Variants in GRID2 observed in about 807,000 individuals in gnomAD.
GRID2 encodes the protein glutamate receptor ionotropic, delta-2.
In GRID2, 33 loss-of-function variants were observed where a neutral mutation model predicts 114.8. The ratio of observed to expected loss-of-function variants is 0.29; its 90% CI spans 0.22 to 0.38. GRID2 has a LOEUF of 0.38. Ranked by LOEUF, GRID2 falls within the 10% of genes least tolerant of loss-of-function variation. The pLI, the probability that GRID2 is intolerant of heterozygous loss-of-function variation, is 1.00. For synonymous variants in GRID2, 505 were observed against 449.9 expected (o/e 1.12, Z -1.55); for missense variants, 1,184 against 1,257.7 (o/e 0.94, Z 0.89).
At chr4:92,652,427 C>T (rs183573964) in intron 2 of GRID2, among the ~76,000 whole-genome samples, 1 of 151,702 alleles carries the variant, frequency 6.6e-6, no homozygotes, top group East Asian at 1.9e-4. Flanking sequence ...TAAATATTCC[C>T]AGAACTTTGG....
At chr4:93,566,995 GAGC>G (rs554419301) in intron 13 of GRID2, among the ~76,000 whole-genome samples, 3 of 152,176 alleles carry the variant, frequency 2.0e-5, no homozygotes, top group Admixed American at 1.3e-4. Flanking sequence ...GTGGTCAGCA[GAGC>G]AGCAGCAGCA....
intron 12 of GRID2, among the ~76,000 whole-genome samples, chr4:93,494,642 T>C (rs1727350532): frequency 1.3e-5 from 2 of 151,772 alleles, no homozygotes; most frequent in Non-Finnish European, 2.9e-5. Context: ...ATCATAACTA[T>C]GTCCTATGTT....
At chr4:93,214,308 C>T (rs541502304) in intron 5 of GRID2, among the ~76,000 whole-genome samples, 1 of 151,966 alleles carries the variant, frequency 6.6e-6, no homozygotes, top group Non-Finnish European at 1.5e-5. Context: ...TTTTAATACA[C>T]AAGTTTATTT....
At chr4:93,294,646 C>T (rs112095578) in intron 8 of GRID2, among the ~76,000 whole-genome samples, 8,211 of 151,776 alleles carry the variant, frequency 0.054, 747 homozygotes, top group African/African-American at 0.19. Context: ...GTAACCTCCA[C>T]CTCTCAGGTT....
chr4:93,336,721 A>G (rs1364490888), intron 8 of GRID2, among the ~76,000 whole-genome samples: 2 of 152,168 alleles, frequency 1.3e-5, no homozygotes, highest in Non-Finnish European at 2.9e-5. Flanking sequence ...CCAAGAAAAA[A>G]AGGGTGATTG....
chr4:92,828,785 T>A (rs371706226), intron 2 of GRID2, among the ~76,000 whole-genome samples: 16 of 152,278 alleles, frequency 1.1e-4, no homozygotes, highest in African/African-American at 3.8e-4. Context: ...TTAGTACATG[T>A]TGAAACAGGT....
At chr4:92,745,055 T>C (rs972362369) in intron 2 of GRID2, among the ~76,000 whole-genome samples, 4 of 152,280 alleles carry the variant, frequency 2.6e-5, no homozygotes, top group Non-Finnish European at 4.4e-5. Flanking sequence ...TGTTCCTTTC[T>C]CTGAAGTGTC....
intron 2 of GRID2, among the ~76,000 whole-genome samples, chr4:92,999,768 C>T (rs1395464995): frequency 1.3e-5 from 2 of 151,230 alleles, no homozygotes; most frequent in African/African-American, 2.4e-5. Context: ...TATATAATTG[C>T]TGGGATTAAG....
intron 4 of GRID2, among the ~76,000 whole-genome samples, chr4:93,145,644 C>CTTTTTTTTTTTTTTTTTTTTT (rs10605313): frequency 2.2e-5 from 1 of 45,708 alleles, no homozygotes; most frequent in Non-Finnish European, 3.6e-5. Context: ...TTCTTTTTTC[C>CTTTTTTTTTTTTTTTTTTTTT]TTTTTTTTTT....
chr4:93,342,964 C>T (rs901904529), intron 8 of GRID2, among the ~76,000 whole-genome samples: 1 of 152,052 alleles, frequency 6.6e-6, no homozygotes. Flanking sequence ...ATTCATGAAG[C>T]TTAAGTGCAA....
chr4:93,585,953 T>C (rs2149602423), intron 13 of GRID2, among the ~76,000 whole-genome samples: 1 of 152,202 alleles, frequency 6.6e-6, no homozygotes, highest in Non-Finnish European at 1.5e-5. Context: ...TCCCGAGCCC[T>C]TCATTCTCAT....
At chr4:92,815,817 A>G (rs551218749) in intron 2 of GRID2, among the ~76,000 whole-genome samples, 1 of 143,564 alleles carries the variant, frequency 7.0e-6, no homozygotes, top group South Asian at 2.4e-4. Context: ...GCTACTTGGG[A>G]GGCTGAGGTG....
chr4:93,748,560 T>A (rs1388125881), intron 14 of GRID2, among the ~76,000 whole-genome samples: 1 of 152,156 alleles, frequency 6.6e-6, no homozygotes, highest in African/African-American at 2.4e-5. Context: ...TTTCTTCTAG[T>A]AAGAAAAACG....
intron 2 of GRID2, among the ~76,000 whole-genome samples, chr4:93,019,236 C>T (rs1723050145): frequency 6.6e-6 from 1 of 152,142 alleles, no homozygotes; most frequent in African/African-American, 2.4e-5. Flanking sequence ...TACACATATA[C>T]ATACTAGAAG....
At chr4:92,856,938 G>C (rs1194175535) in intron 2 of GRID2, among the ~76,000 whole-genome samples, 1 of 152,072 alleles carries the variant, frequency 6.6e-6, no homozygotes, top group Non-Finnish European at 1.5e-5. Context: ...TCATGTCTCT[G>C]TGTTATATTT....
At chr4:93,357,980 T>G (rs1433958066) in intron 8 of GRID2, among the ~76,000 whole-genome samples, 1 of 151,808 alleles carries the variant, frequency 6.6e-6, no homozygotes, top group Non-Finnish European at 1.5e-5. Context: ...ATCCAATATA[T>G]TTTTCTTTTT....
At chr4:92,309,320 C>T (rs764600637) in intron 1 of GRID2, among the ~76,000 whole-genome samples, 1 of 151,928 alleles carries the variant, frequency 6.6e-6, no homozygotes, top group Non-Finnish European at 1.5e-5. Flanking sequence ...TCTTCACCTA[C>T]ACCTACGTAT....
chr4:92,359,489 TCACAGGAAAAGCCCAGCACAATG>T lies in GRID2; in HGVS notation c.88+54770_88+54792del, dbSNP rs1319838236. 4.6e-5 allele frequency among the ~76,000 whole-genome samples: 7 copies of T among 152,024 alleles called. No homozygotes were observed. The East Asian group carries it at 7.8e-4, about 17-fold the overall frequency. ...ATAGGGCTGAGTTTAAGGATGTAAT[TCACAGGAAAAGCCCAGCACAATG>T]CACAGGAAAAGCCCAGCACAATGCC... On this transcript the variant is annotated intron_variant, in intron 1 of 15. Transcript: ENST00000282020.
intron 1 of GRID2, among the ~76,000 whole-genome samples, chr4:92,426,804 A>G (rs1432184171): frequency 6.6e-6 from 1 of 152,068 alleles, no homozygotes; most frequent in East Asian, 1.9e-4. Context: ...CTCTTTTATT[A>G]CTATATAAAC....
Sources: allele counts gnomAD v4.1 joint callset (sites outside exome capture counted in the v4.1 genomes callset), GRCh38; gene constraint gnomAD v4.1.1; transcripts MANE v1.5; gene names NCBI Gene and HGNC (gene_info 2026-07-23, HGNC 2026-07-21).